The following EPC2 variants were observed in gnomAD, a reference collection of about 807,000 sequenced individuals.
EPC2 encodes the protein enhancer of polycomb 2.
A neutral mutation model predicts 92.1 loss-of-function variants in EPC2; 14 were observed. That is an observed-to-expected ratio of 0.15 (90% confidence interval 0.10 to 0.24). The LOEUF is 0.24. Among genes scored for constraint, EPC2 ranks in the 10% least tolerant of loss-of-function variants. EPC2 has a pLI of 1.00. For synonymous variants in EPC2, 340 were observed against 334.7 expected, an observed-to-expected ratio of 1.02 and a Z score of -0.17; for missense variants, 755 against 971.5, an observed-to-expected ratio of 0.78 and a Z score of 2.96.
chr2:148,681,483 A>G (rs1681393471), intron 1 of EPC2, among the ~76,000 whole-genome samples: 15 of 152,260 alleles, frequency 9.9e-5, no homozygotes, highest in Admixed American at 9.8e-4. Flanking sequence ...AGACCTTATC[A>G]AAACACAAAT....
At chr2:148,673,657 C>T (rs544262409) in intron 1 of EPC2, among the ~76,000 whole-genome samples, 1 of 152,306 alleles carries the variant, frequency 6.6e-6, no homozygotes, top group South Asian at 2.1e-4. Flanking sequence ...GATCTCGGCT[C>T]ACTGCAGCCT....
chr2:148,687,911 C>T (rs1681562168), intron 1 of EPC2, among the ~76,000 whole-genome samples: 1 of 152,054 alleles, frequency 6.6e-6, no homozygotes, highest in Non-Finnish European at 1.5e-5. Flanking sequence ...TCTTACCTTC[C>T]TTTTAAAGTA....
chr2:148,686,147 C>A (rs1293508959), intron 1 of EPC2, among the ~76,000 whole-genome samples: 3 of 152,192 alleles, frequency 2.0e-5, no homozygotes, highest in African/African-American at 7.2e-5. Flanking sequence ...TTCTCAAACC[C>A]TGCTCCTGCT....
At chr2:148,723,096 A>T (rs927377422) in intron 2 of EPC2, among the ~76,000 whole-genome samples, 16 of 152,180 alleles carry the variant, frequency 1.1e-4, no homozygotes, top group Non-Finnish European at 4.4e-5. Context: ...CCTGGGGGAT[A>T]AAATAGTCTG....
rs753478057 is a variant in EPC2 at position 148,734,331 on chromosome 2, G to A, written c.314-9291G>A. ...GAAATAGATGTAGCAGCTCATACATGGGAAGTGTTAACCTTCAGAGAGGCA... is the reference window on the plus strand; with the variant it reads ...GAAATAGATGTAGCAGCTCATACATAGGAAGTGTTAACCTTCAGAGAGGCA... On this transcript the variant is annotated intron_variant, in intron 2 of 13. Transcript: ENST00000258484. Among the ~76,000 whole-genome samples the A allele has an allele frequency of 6.6e-5, 10 of 151,902 alleles. No individual in the cohort carries two copies. The South Asian group carries it at 8.3e-4, about 13-fold the overall frequency.
chr2:148,656,959 T>C (rs567948529), intron 1 of EPC2, among the ~76,000 whole-genome samples: 1 of 152,304 alleles, frequency 6.6e-6, no homozygotes, highest in South Asian at 2.1e-4. Context: ...TTTTTACAGA[T>C]TAGTCTTGAA....
chr2:148,771,444 T>G, intron 10 of EPC2, 57 bp downstream of exon 10: 2 of 1,436,124 alleles, frequency 1.4e-6, no homozygotes, highest in Non-Finnish European at 1.9e-6. Context: ...TTAATTTTAT[T>G]GGGAAAGGAA....
intron 2 of EPC2, among the ~76,000 whole-genome samples, chr2:148,708,149 T>A (rs1008589391): frequency 7.9e-5 from 12 of 152,042 alleles, no homozygotes; most frequent in African/African-American, 2.7e-4. Flanking sequence ...CAGTAAAAAA[T>A]GATAAAAGGG....
At chr2:148,645,448 G>T (rs1416634437) in intron 1 of EPC2, 6 of 394,298 alleles carry the variant, frequency 1.5e-5, no homozygotes, top group Non-Finnish European at 2.3e-5. Flanking sequence ...CGGGAATGGC[G>T]CAGGGGATGC....
intron 11 of EPC2, among the ~76,000 whole-genome samples, chr2:148,782,800 A>G: frequency 6.6e-6 from 1 of 152,218 alleles, no homozygotes; most frequent in East Asian, 1.9e-4. Flanking sequence ...AATCTATTTC[A>G]AATTTGAACC....
At chr2:148,715,272 G>A (rs1682234994) in intron 2 of EPC2, among the ~76,000 whole-genome samples, 1 of 152,030 alleles carries the variant, frequency 6.6e-6, no homozygotes, top group South Asian at 2.1e-4. Context: ...TGACCTTGTG[G>A]TCTGCCCACC....
Position 148,768,087 on chromosome 2 carries a change from G to T in EPC2, c.1141-1064G>T, listed in dbSNP as rs1489663477. 4.6e-5 allele frequency among the ~76,000 whole-genome samples: 7 copies of T among 152,238 alleles called. No homozygotes were observed. In the East Asian group the frequency reaches 1.4e-3, roughly 29 times the overall value. ...CTCCCCTGGATGACCCTGCTCAGTG[G>T]TAATTACCACAGTTTGGAAATAATA... On this transcript the variant is annotated intron_variant, in intron 7 of 13. Coordinates refer to ENST00000258484, the MANE Select transcript of EPC2 (RefSeq NM_015630.4).
intron 2 of EPC2, among the ~76,000 whole-genome samples, chr2:148,739,052 T>C (rs1467236471): frequency 6.6e-6 from 1 of 152,160 alleles, no homozygotes; most frequent in African/African-American, 2.4e-5. Flanking sequence ...ACCCAGAAGC[T>C]GTTGACCGGA....
At chr2:148,762,649 T>C (rs756308998) in intron 5 of EPC2, 21 bp from the exon 6 acceptor site, 8 of 1,539,086 alleles carry the variant, frequency 5.2e-6, no homozygotes, top group South Asian at 1.3e-5. Flanking sequence ...TGTTTTCTTA[T>C]ATTTTTGTTA....
At chr2:148,672,413 A>C (rs141490796) in intron 1 of EPC2, among the ~76,000 whole-genome samples, 14 of 152,220 alleles carry the variant, frequency 9.2e-5, no homozygotes, top group African/African-American at 2.2e-4. Flanking sequence ...CATCTACTCT[A>C]TCTCTCACAT....
chr2:148,713,080 C>G (rs1574599200), intron 2 of EPC2, among the ~76,000 whole-genome samples: 1 of 152,156 alleles, frequency 6.6e-6, no homozygotes, highest in Non-Finnish European at 1.5e-5. Flanking sequence ...AAATATGTTA[C>G]TAGCTTGTGT....
chr2:148,762,869 C>A, intron 6 of EPC2, 67 bp downstream of exon 6: 2 of 1,487,948 alleles, frequency 1.3e-6, no homozygotes, highest in Non-Finnish European at 1.8e-6. Context: ...TTGATTTCTG[C>A]AGTTGTCTTA....
intron 1 of EPC2, among the ~76,000 whole-genome samples, chr2:148,648,213 G>C (rs1683846137): frequency 6.6e-6 from 1 of 152,184 alleles, no homozygotes; most frequent in Non-Finnish European, 1.5e-5. Flanking sequence ...GCTTCCCAGA[G>C]TGTCCAATTG....
chr2:148,647,258 T>G (rs890094163), intron 1 of EPC2, among the ~76,000 whole-genome samples: 1 of 152,214 alleles, frequency 6.6e-6, no homozygotes, highest in African/African-American at 2.4e-5. Flanking sequence ...TTAGAGTAAT[T>G]TTTTCATGCT....
Sources: allele counts gnomAD v4.1 joint callset (sites outside exome capture counted in the v4.1 genomes callset), GRCh38; gene constraint gnomAD v4.1.1; transcripts MANE v1.5; gene names NCBI Gene and HGNC (gene_info 2026-07-23, HGNC 2026-07-21).